CSTA: variants seen among roughly 807,000 people sequenced by gnomAD.
The protein encoded by CSTA is cystatin A, also known as cystatin-A.
A neutral mutation model predicts 9.2 loss-of-function variants in CSTA; 9 were observed. The observed-to-expected ratio is 0.97, with a 90% confidence interval of 0.59 to 1.70. The LOEUF (loss-of-function observed/expected upper bound fraction) is 1.70. Ranked by LOEUF, CSTA falls within the 40% of genes most tolerant of loss-of-function variation. The pLI, the probability that CSTA is intolerant of heterozygous loss-of-function variation, is 0.00. For missense variants in CSTA, 118 were observed against 113.1 expected, an observed-to-expected ratio of 1.04 and a Z score of -0.20; for synonymous variants, 36 against 40.6, an observed-to-expected ratio of 0.89 and a Z score of 0.43.
At chr3:122,337,764 C>T (rs2075243842) in intron 2 of CSTA, 116 bp downstream of exon 2, 2 of 822,674 alleles carry the variant, frequency 2.4e-6, no homozygotes, top group Non-Finnish European at 4.3e-6. Flanking sequence ...AATTAAGATG[C>T]CCAGCATGAT....
intron 2 of CSTA, among the ~76,000 whole-genome samples, chr3:122,341,145 G>C (rs2075263298): frequency 6.6e-6 from 1 of 152,058 alleles, no homozygotes; most frequent in Non-Finnish European, 1.5e-5. Context: ...ATTTCACCAT[G>C]CTGGCCAGGC....
intron 1 of CSTA, among the ~76,000 whole-genome samples, chr3:122,330,397 T>C (rs1373222284): frequency 6.6e-6 from 1 of 151,984 alleles, no homozygotes. Context: ...GATCATCACA[T>C]AGAAAAGGGA....
intron 1 of CSTA, among the ~76,000 whole-genome samples, chr3:122,332,896 C>G (rs773621851): frequency 1.3e-5 from 2 of 152,190 alleles, no homozygotes; most frequent in Admixed American, 6.5e-5. Flanking sequence ...CACCAAGCTA[C>G]CTTCTGAGAC....
intron 1 of CSTA, among the ~76,000 whole-genome samples, chr3:122,337,069 C>T (rs2075240248): frequency 1.3e-5 from 2 of 152,150 alleles, no homozygotes; most frequent in Non-Finnish European, 2.9e-5. Context: ...GGTTTAGAGA[C>T]TACTTAATAG....
intron 1 of CSTA, among the ~76,000 whole-genome samples, chr3:122,336,020 A>T (rs2075235452): frequency 6.6e-6 from 1 of 152,100 alleles, no homozygotes; most frequent in African/African-American, 2.4e-5. Flanking sequence ...TATAATGTAT[A>T]TATATAATGA....
In CSTA at chr3:122,341,697, T is replaced by A; in HGVS notation, c.*130T>A. On this transcript the variant is annotated 3_prime_UTR_variant, in exon 3 of 3. Coordinates refer to ENST00000264474, the MANE Select transcript of CSTA (RefSeq NM_005213.4). ...TATTTCTTCAATTATTTCTCATTTA[T>A]TGTATTAAGCAGAAATTACCTTTTC... The A allele has an allele frequency of 8.3e-7, 1 of 1,204,258 alleles. No homozygotes were observed. The highest frequency in any genetic ancestry group is 1.2e-6 in the Non-Finnish European group (1 of 831,362). 74.6% of individuals were successfully genotyped at this position (1,204,258 alleles called of 1,614,324 possible).
At chr3:122,340,540 G>T (rs1279538083) in intron 2 of CSTA, among the ~76,000 whole-genome samples, 2 of 152,166 alleles carry the variant, frequency 1.3e-5, no homozygotes, top group Non-Finnish European at 1.5e-5. Context: ...CTGACCTCAG[G>T]TGATCCACCC....
chr3:122,326,647 A>G (rs1429155223), intron 1 of CSTA, among the ~76,000 whole-genome samples: 1 of 152,152 alleles, frequency 6.6e-6, no homozygotes, highest in East Asian at 1.9e-4. Context: ...CTCTTTCAAG[A>G]GTTCTTTTTT....
chr3:122,329,910 A>G (rs1378293144), intron 1 of CSTA, among the ~76,000 whole-genome samples: 1 of 152,226 alleles, frequency 6.6e-6, no homozygotes, highest in Non-Finnish European at 1.5e-5. Context: ...AGCCCCAATT[A>G]TCACTTATCT....
chr3:122,327,409 G>C (rs1285589384), intron 1 of CSTA, among the ~76,000 whole-genome samples: 1 of 150,750 alleles, frequency 6.6e-6, no homozygotes, highest in African/African-American at 2.4e-5. Context: ...GGCGCCTGTA[G>C]TCCCAGCTAC....
At position 122,326,938 on chromosome 3, in the gene CSTA, G is replaced by A. The variant is rs532827750; in HGVS notation, c.66+1580G>A. On this transcript the variant is annotated intron_variant, in intron 1 of 2. Coordinates refer to ENST00000264474, the MANE Select transcript of CSTA (RefSeq NM_005213.4). ...TCCTACAAGGCCAGTGGGAGATGGGGCTTTAAAAGTCAGGGTGCAGGCTGG... is the reference window on the plus strand; with the variant it reads ...TCCTACAAGGCCAGTGGGAGATGGGACTTTAAAAGTCAGGGTGCAGGCTGG... 9.5e-4 allele frequency among the ~76,000 whole-genome samples: 144 copies of A among 152,296 alleles called. 4 individuals carry two copies. The South Asian group carries it at 0.03, about 31-fold the overall frequency.
intron 1 of CSTA, among the ~76,000 whole-genome samples, chr3:122,327,848 T>A (rs549437798): frequency 4.6e-4 from 70 of 152,234 alleles, no homozygotes; most frequent in Non-Finnish European, 7.8e-4. Context: ...TAATGATTTT[T>A]AAAAAAATCT....
chr3:122,336,207 TA>T (rs977241635), intron 1 of CSTA, among the ~76,000 whole-genome samples: 9 of 152,048 alleles, frequency 5.9e-5, no homozygotes, highest in African/African-American at 2.2e-4. Context: ...CGTTCTCCAA[TA>T]AAAGGAGCAG....
rs111300953 is a variant in CSTA at position 122,337,659 on chromosome 3, A to G, written c.168+11A>G. On this transcript the variant is annotated intron_variant, in intron 2 of 2. Coordinates refer to ENST00000264474, the MANE Select transcript of CSTA (RefSeq NM_005213.4). ...AATTACTACATTAAGGTTAGAGTTC[A>G]GCACCTACTTTAGCGCCAAAAGATG... 13 of 1,505,672 alleles carry G rather than the reference A, an allele frequency of 8.6e-6. No homozygotes were observed. In the African/African-American group the frequency reaches 1.5e-4, roughly 17 times the overall value. The allele number at this position is 1,505,672 out of a possible 1,614,324, so 93.3% of individuals were successfully genotyped here. A position where few individuals can be genotyped will look rare whatever the true frequency, so the allele number is the denominator to read the frequency against.
At chr3:122,338,582 G>T (rs1452353617) in intron 2 of CSTA, among the ~76,000 whole-genome samples, 2 of 151,468 alleles carry the variant, frequency 1.3e-5, no homozygotes, top group Non-Finnish European at 1.5e-5. Context: ...TATGTACACA[G>T]ATCAGCCCTG....
At chr3:122,338,694 A>C (rs1232884094) in intron 2 of CSTA, among the ~76,000 whole-genome samples, 2 of 152,178 alleles carry the variant, frequency 1.3e-5, no homozygotes, top group Non-Finnish European at 2.9e-5. Flanking sequence ...CATTTCCTCC[A>C]TTCTCAATCT....
At position 122,327,857 on chromosome 3, in the gene CSTA, C is replaced by A. The variant is rs1273378549; in HGVS notation, c.66+2499C>A. Among the ~76,000 whole-genome samples the A allele has an allele frequency of 5.3e-5, 8 of 152,216 alleles. No homozygotes were observed. In the East Asian group the frequency reaches 1.2e-3, roughly 22 times the overall value. On this transcript the variant is annotated intron_variant, in intron 1 of 2. Coordinates refer to ENST00000264474, the MANE Select transcript of CSTA (RefSeq NM_005213.4). ...AAATTTTAATGATTTTTAAAAAAAT[C>A]TATCACTCGATTAGCAAGAATTATT... is the stretch of plus-strand genomic sequence containing the variant.
intron 1 of CSTA, 44 bp from the exon 2 acceptor site, chr3:122,337,503 C>A: frequency 7.3e-7 from 1 of 1,361,028 alleles, no homozygotes; most frequent in Non-Finnish European, 1.1e-6. Context: ...TACATGGAGT[C>A]TAATATAGCT....
Position 122,337,546 on chromosome 3 carries a change from G to T in CSTA, c.67-1G>T. ...TTTGTTTCCTCTTTTCTTTTCTTTA[G>T]GTTAAACCACAGCTTGAAGAAAAAA... On this transcript the variant is annotated splice_acceptor_variant, in intron 1 of 2. Transcript: ENST00000264474. LOFTEE classifies it high-confidence loss of function. 6.3e-7 allele frequency: 1 copy of T among 1,598,862 alleles called. No individual in the cohort carries two copies. Among genetic ancestry groups the T allele is most frequent in the Admixed American group, 1.7e-5 (1 of 59,956 alleles).
Sources: gnomAD v4.1 joint callset for allele counts (sites outside exome capture counted in the v4.1 genomes callset) on GRCh38, gnomAD v4.1.1 for gene constraint, MANE v1.5 for transcripts, NCBI Gene and HGNC (gene_info 2026-07-23, HGNC 2026-07-21) for gene names.